Variants in NBAS observed in about 807,000 individuals in gnomAD.
NBAS encodes NAG/BC035112 fusion.
Under a neutral mutation model 302.5 loss-of-function variants are expected in NBAS, and 219 were observed. That is an observed-to-expected ratio of 0.72 (90% CI 0.65 to 0.81). NBAS has a LOEUF of 0.81. Among genes scored for constraint, NBAS ranks in the 30% least tolerant of loss-of-function variants. The pLI is 0.00. For synonymous variants in NBAS, 1,118 were observed against 1,021.6 expected (o/e 1.09, Z -1.80); for missense variants, 2,932 against 2,841.6 (o/e 1.03, Z -0.72).
the NBAS span, among the ~76,000 whole-genome samples, chr2:14,970,238 C>T: frequency 6.6e-6 from 1 of 152,160 alleles, no homozygotes. Flanking sequence ...TTAGGAAATA[C>T]TGCATATATA....
chr2:15,438,487 T>C (rs193298964), intron 21 of NBAS, among the ~76,000 whole-genome samples: 52 of 152,244 alleles, frequency 3.4e-4, no homozygotes, highest in Non-Finnish European at 6.6e-4. Context: ...AATGAATCTC[T>C]TGAATTAATC....
At chr2:15,237,046 T>A (rs1197509741) in intron 45 of NBAS, among the ~76,000 whole-genome samples, 1 of 152,138 alleles carries the variant, frequency 6.6e-6, no homozygotes, top group Non-Finnish European at 1.5e-5. Flanking sequence ...ATTCAATAAA[T>A]GTGTAAGGTT....
the NBAS span, among the ~76,000 whole-genome samples, chr2:15,118,492 T>C: frequency 2.0e-5 from 3 of 152,168 alleles, no homozygotes; most frequent in African/African-American, 7.2e-5. Flanking sequence ...AGCTGCCCTG[T>C]GACTTGACCT....
chr2:15,405,072 C>A (rs893468995), intron 25 of NBAS, among the ~76,000 whole-genome samples: 1 of 152,152 alleles, frequency 6.6e-6, no homozygotes, highest in African/African-American at 2.4e-5. Context: ...TTTTAGTCTA[C>A]TCCTACCTGG....
chr2:15,285,920 A>C (rs1481221155), intron 42 of NBAS, among the ~76,000 whole-genome samples: 5 of 152,270 alleles, frequency 3.3e-5, no homozygotes, highest in Admixed American at 2.0e-4. Flanking sequence ...GCGGCCTCCC[A>C]AAGTGTTGGG....
chr2:14,858,821 T>C, the NBAS span, among the ~76,000 whole-genome samples: 1,632 of 152,124 alleles, frequency 0.011, 12 homozygotes, highest in Non-Finnish European at 0.018. Context: ...TAAAAGAATA[T>C]AATTAGATTG....
chr2:15,152,342 A>G, the NBAS span, among the ~76,000 whole-genome samples: 1 of 152,262 alleles, frequency 6.6e-6, no homozygotes, highest in Non-Finnish European at 1.5e-5. Context: ...GATGCTGACC[A>G]AAATGGGGGA....
chr2:15,103,031 A>AAGGAAGGAAGGAAGGAAG, the NBAS span, among the ~76,000 whole-genome samples: 3 of 31,100 alleles, frequency 9.6e-5, no homozygotes, highest in South Asian at 1.2e-3. Context: ...AAGGAAGGAA[A>AAGGAAGGAAGGAAGGAAG]GAGGGTCGGA....
At chr2:15,294,923 T>A (rs569067054) in intron 40 of NBAS, among the ~76,000 whole-genome samples, 1 of 152,320 alleles carries the variant, frequency 6.6e-6, no homozygotes, top group East Asian at 1.9e-4. Flanking sequence ...TGAATATACC[T>A]TGAAGGAAAG....
chr2:15,439,146 A>C (rs542393050), intron 21 of NBAS, among the ~76,000 whole-genome samples: 19 of 151,502 alleles, frequency 1.3e-4, no homozygotes, highest in Non-Finnish European at 2.7e-4. Flanking sequence ...ATACACACAC[A>C]AAAAAAATTA....
At chr2:14,852,603 C>T in the NBAS span, among the ~76,000 whole-genome samples, 148 of 125,956 alleles carry the variant, frequency 1.2e-3, 8 homozygotes, top group African/African-American at 4.8e-3. Context: ...AAAAAGAGCC[C>T]GCACCGCCAA....
chr2:14,871,607 CAT>C, the NBAS span, among the ~76,000 whole-genome samples: 31 of 151,928 alleles, frequency 2.0e-4, no homozygotes, highest in Non-Finnish European at 4.3e-4. Flanking sequence ...AGGTTTATAA[CAT>C]GTGGAAGTAA....
chr2:15,301,593 C>T (rs1458092711), intron 40 of NBAS, among the ~76,000 whole-genome samples: 2 of 152,192 alleles, frequency 1.3e-5, no homozygotes, highest in South Asian at 2.1e-4. Flanking sequence ...AGAACACATC[C>T]AGCTCAGAAG....
At chr2:15,021,253 T>C in the NBAS span, among the ~76,000 whole-genome samples, 2 of 149,334 alleles carry the variant, frequency 1.3e-5, no homozygotes, top group African/African-American at 2.6e-5. Context: ...AAAAAAATTG[T>C]TGACCATACG....
chr2:15,218,736 G>A (rs768152064), intron 48 of NBAS, 37 bp downstream of exon 48: 15 of 1,612,778 alleles, frequency 9.3e-6, no homozygotes, highest in Non-Finnish European at 1.3e-5. Flanking sequence ...CCTAATTATT[G>A]TTAGTAAGAA....
At chr2:15,144,046 A>ATAT in the NBAS span, among the ~76,000 whole-genome samples, 12,794 of 103,804 alleles carry the variant, frequency 0.12, 1,374 homozygotes, top group African/African-American at 0.14. Flanking sequence ...CCTATATATA[A>ATAT]AAATATATAT....
chr2:14,888,179 G>C, the NBAS span, among the ~76,000 whole-genome samples: 1 of 152,130 alleles, frequency 6.6e-6, no homozygotes, highest in Non-Finnish European at 1.5e-5. Flanking sequence ...TGCCCAGGCT[G>C]GAGTGCAGTG....
intron 23 of NBAS, among the ~76,000 whole-genome samples, chr2:15,418,511 GT>G (rs1677054775): frequency 6.6e-6 from 1 of 152,194 alleles, no homozygotes; most frequent in Non-Finnish European, 1.5e-5. Flanking sequence ...GTAAGATGAG[GT>G]CTCTTCCTTC....
In NBAS at chr2:15,292,700, G is replaced by T; in HGVS notation, c.4864C>A (p.Pro1622Thr). The T allele has an allele frequency of 1.2e-6, 2 of 1,614,164 alleles. No individual in the cohort carries two copies. Among genetic ancestry groups the T allele is most frequent in the Non-Finnish European group, 1.7e-6 (2 of 1,180,040 alleles). The change falls in exon 41 of 52, where the codon CCT becomes ACT. Residue 1622 changes from proline (P) to threonine (T), a missense_variant. Physicochemically the swap from Pro to Thr is conservative, Grantham distance 38 (BLOSUM62 -1). Transcript: ENST00000281513. ...TTGGTCAGTGAAATAAGGTCTTCAG[G>T]CCAGGCTTCGTGCTCATGTCGAGTC... ...HVTRHEHEAW[P>T]EDLISLTKQL...
Sources: gnomAD v4.1 joint callset for allele counts (sites outside exome capture counted in the v4.1 genomes callset) on GRCh38, gnomAD v4.1.1 for gene constraint, MANE v1.5 for transcripts, NCBI Gene and HGNC (gene_info 2026-07-23, HGNC 2026-07-21) for gene names.